FAM177A1: variants seen among roughly 807,000 people sequenced by gnomAD.
FAM177A1 encodes protein FAM177A1.
FAM177A1 carries 22 observed loss-of-function variants against 26.1 expected under a neutral mutation model. The ratio of observed to expected loss-of-function variants is 0.84; its 90% CI spans 0.60 to 1.20. The LOEUF (loss-of-function observed/expected upper bound fraction) is 1.20. Among genes scored for constraint, FAM177A1 ranks in the 50% most tolerant of loss-of-function variants. The pLI is 0.00. For missense variants in FAM177A1, 296 were observed against 291.1 expected (o/e 1.02, Z -0.12); for synonymous variants, 95 against 99.3 (o/e 0.96, Z 0.26).
chr14:35,068,286 A>G (rs992243282), intron 2 of FAM177A1, among the ~76,000 whole-genome samples: 1 of 152,226 alleles, frequency 6.6e-6, no homozygotes, highest in Non-Finnish European at 1.5e-5. Context: ...GAGCATTTTG[A>G]TAGCAGGTAA....
At chr14:35,077,583 C>T (rs577242102) in intron 3 of FAM177A1, among the ~76,000 whole-genome samples, 7 of 148,002 alleles carry the variant, frequency 4.7e-5, no homozygotes, top group East Asian at 2.0e-4. Flanking sequence ...CCCGGGTTCA[C>T]GCCATTCGCC....
chr14:35,073,895 A>G (rs2045358408), intron 2 of FAM177A1, among the ~76,000 whole-genome samples: 1 of 152,194 alleles, frequency 6.6e-6, no homozygotes, highest in South Asian at 2.1e-4. Flanking sequence ...TTTGATCTCC[A>G]CTAAAAACCT....
In FAM177A1 at chr14:35,051,745, T is replaced by C. The variant is rs138418706; in HGVS notation, c.166-1533T>C. 4.3e-3 allele frequency among the ~76,000 whole-genome samples: 659 copies of C among 152,260 alleles called. 4 individuals carry two copies. Among genetic ancestry groups the C allele is most frequent in the African/African-American group, 0.015 (638 of 41,548 alleles). On this transcript the variant is annotated intron_variant, in intron 1 of 4. Coordinates refer to ENST00000280987, the MANE Select transcript of FAM177A1 (RefSeq NM_173607.5). ...AAATTTTCATGATCTGCAGTTCAAA[T>C]CCTGGCTAATGACTAAACTTACCTT...
chr14:35,058,534 T>C (rs2045098469), intron 2 of FAM177A1, among the ~76,000 whole-genome samples: 1 of 152,214 alleles, frequency 6.6e-6, no homozygotes, highest in African/African-American at 2.4e-5. Flanking sequence ...GACCCTTTTA[T>C]CATTATAAAA....
At chr14:35,050,197 T>C (rs1318650256) in intron 1 of FAM177A1, 1 of 151,892 alleles carries the variant, frequency 6.6e-6, no homozygotes, top group East Asian at 1.9e-4. Context: ...TTAGTAGAGG[T>C]GGGATTTCAC....
At chr14:35,069,827 G>A (rs1479739023) in intron 2 of FAM177A1, among the ~76,000 whole-genome samples, 1 of 151,788 alleles carries the variant, frequency 6.6e-6, no homozygotes, top group African/African-American at 2.4e-5. Context: ...CATAAGAAGT[G>A]GAGACCTATG....
At chr14:35,074,532 G>A (rs1180492336) in intron 2 of FAM177A1, among the ~76,000 whole-genome samples, 1 of 151,622 alleles carries the variant, frequency 6.6e-6, no homozygotes, top group Non-Finnish European at 1.5e-5. Flanking sequence ...CTCCATGTTG[G>A]TCAGGCTGGT....
At position 35,048,183 on chromosome 14, in the gene FAM177A1, A is replaced by G. The variant is rs529423272; in HGVS notation, c.165+1555A>G. Among the ~76,000 whole-genome samples the G allele has an allele frequency of 3.3e-5, 5 of 152,318 alleles. No homozygotes were observed. In the South Asian group the frequency reaches 1.0e-3, roughly 32 times the overall value. On this transcript the variant is annotated intron_variant, in intron 1 of 4. Transcript: ENST00000280987. ...AGACCTATTGTTGGCAAGTGCACTT[A>G]CACTTAACCTTTGAGTCCATGGTGC... is the stretch of plus-strand genomic sequence containing the variant.
intron 2 of FAM177A1, among the ~76,000 whole-genome samples, chr14:35,063,342 G>T (rs1303981939): frequency 6.6e-6 from 1 of 152,000 alleles, no homozygotes; most frequent in Non-Finnish European, 1.5e-5. Flanking sequence ...GGAAGCCAAG[G>T]TGGGTGGATC....
At chr14:35,051,797 A>T (rs1280653700) in intron 1 of FAM177A1, among the ~76,000 whole-genome samples, 3 of 152,222 alleles carry the variant, frequency 2.0e-5, no homozygotes, top group African/African-American at 7.2e-5. Context: ...GAGAAGAATC[A>T]TATCTGTTTT....
At chr14:35,056,023 G>T (rs1463202787) in intron 2 of FAM177A1, among the ~76,000 whole-genome samples, 2 of 151,722 alleles carry the variant, frequency 1.3e-5, no homozygotes, top group Admixed American at 6.6e-5. Context: ...TGCTTATTTT[G>T]ATTAGGTTAT....
rs2045482642 is a variant in FAM177A1, at chr14:35,081,436, T to A, written c.*208T>A. The A allele has an allele frequency of 2.3e-6, 1 of 436,312 alleles. No homozygotes were observed. Among genetic ancestry groups the A allele is most frequent in the Non-Finnish European group, 3.8e-6 (1 of 261,924 alleles). The allele number at this position is 436,312 out of a possible 1,614,324, so 27.0% of individuals were successfully genotyped here. On this transcript the variant is annotated 3_prime_UTR_variant, in exon 5 of 5. Coordinates refer to ENST00000280987, the MANE Select transcript of FAM177A1 (RefSeq NM_173607.5). ...AGATATTTGTACTGTTTTTACTGTG[T>A]ATAGAAATTAGTGCTTTGGTTTTAA...
chr14:35,049,934 A>T (rs2044936750), intron 1 of FAM177A1: 1 of 152,166 alleles, frequency 6.6e-6, no homozygotes, highest in Non-Finnish European at 1.5e-5. Context: ...TTCGTTATGG[A>T]ATTTGCATAA....
At chr14:35,070,361 G>A (rs1361185574) in intron 2 of FAM177A1, among the ~76,000 whole-genome samples, 1 of 148,964 alleles carries the variant, frequency 6.7e-6, no homozygotes, top group Non-Finnish European at 1.5e-5. Context: ...TCGGAGTCTC[G>A]CTCTGTCGTC....
chr14:35,058,004 T>C (rs893481351), intron 2 of FAM177A1, among the ~76,000 whole-genome samples: 1 of 152,242 alleles, frequency 6.6e-6, no homozygotes, highest in African/African-American at 2.4e-5. Context: ...TTTATAGTAT[T>C]GTTCAAGCTT....
chr14:35,069,285 GT>G lies in FAM177A1; in HGVS notation c.340-7848del, dbSNP rs61628117. On this transcript the variant is annotated intron_variant, in intron 2 of 4. Transcript: ENST00000280987. ...AGCCAATGCTTATCCATTGGAGTAG[GT>G]TTTTTTTTTTTTTTTTGAGACAGAG... Among the ~76,000 whole-genome samples the G allele has an allele frequency of 5.0e-3, 684 of 137,694 alleles. 4 individuals are homozygous for G. The highest frequency in any genetic ancestry group is 0.014 in the African/African-American group (542 of 37,384). The allele number at this position is 137,694 out of a possible 152,430, so 90.3% of individuals were successfully genotyped here.
chr14:35,058,737 G>A (rs1026779490), intron 2 of FAM177A1, among the ~76,000 whole-genome samples: 3 of 152,062 alleles, frequency 2.0e-5, no homozygotes, highest in African/African-American at 7.2e-5. Flanking sequence ...TTAGCCATGC[G>A]TGGTGGCACA....
chr14:35,069,989 G>C (rs72680662), intron 2 of FAM177A1, among the ~76,000 whole-genome samples: 12,512 of 150,758 alleles, frequency 0.083, 800 homozygotes, highest in African/African-American at 0.18. Context: ...GGTGGTGGGC[G>C]CCTGAAATCC....
At chr14:35,071,343 T>C (rs1413458874) in intron 2 of FAM177A1, among the ~76,000 whole-genome samples, 3 of 152,210 alleles carry the variant, frequency 2.0e-5, no homozygotes, top group Non-Finnish European at 4.4e-5. Context: ...ATGACTTTTA[T>C]AATCTGAAAA....
Sources: gnomAD v4.1 joint callset for allele counts (sites outside exome capture counted in the v4.1 genomes callset) on GRCh38, gnomAD v4.1.1 for gene constraint, MANE v1.5 for transcripts, NCBI Gene and HGNC (gene_info 2026-07-23, HGNC 2026-07-21) for gene names.